Variants in KAZN observed in about 807,000 individuals in gnomAD.
KAZN encodes the protein kazrin.
KAZN carries 40 observed loss-of-function variants against 87.4 expected under a neutral mutation model. The ratio of observed to expected loss-of-function variants is 0.46; its 90% confidence interval spans 0.36 to 0.60. The LOEUF (loss-of-function observed/expected upper bound fraction) is 0.60. Among genes scored for constraint, KAZN ranks in the 20% least tolerant of loss-of-function variants. The pLI is 0.00. For synonymous variants in KAZN, 466 were observed against 458.3 expected (o/e 1.02, Z -0.22); for missense variants, 898 against 1,073.9 (o/e 0.84, Z 2.29).
At chr1:14,965,951 G>A (rs374802533) in intron 2 of KAZN, among the ~76,000 whole-genome samples, 37 of 149,790 alleles carry the variant, frequency 2.5e-4, no homozygotes, top group African/African-American at 8.6e-4. Flanking sequence ...GTTAACATAA[G>A]TACAGTTATC....
chr1:14,048,320 C>G (rs909898851), intron 1 of KAZN, among the ~76,000 whole-genome samples: 4 of 152,186 alleles, frequency 2.6e-5, no homozygotes, highest in African/African-American at 9.7e-5. Context: ...ATTCAGGCCT[C>G]CATACTTTCC....
At chr1:14,523,054 A>G (rs148153692) in intron 2 of KAZN, among the ~76,000 whole-genome samples, 2 of 152,062 alleles carry the variant, frequency 1.3e-5, no homozygotes, top group African/African-American at 4.8e-5. Flanking sequence ...TGCCATGGAG[A>G]CACTCATCGT....
intron 8 of KAZN, among the ~76,000 whole-genome samples, chr1:15,087,333 TAC>T (rs1203314903): frequency 3.6e-5 from 5 of 140,300 alleles, no homozygotes; most frequent in Non-Finnish European, 7.4e-5. Flanking sequence ...TGAAATAATT[TAC>T]ATTCTTTTTT....
rs1482109521 is a variant in KAZN, at chr1:14,871,412, A to G, written c.227-89272A>G. Among the ~76,000 whole-genome samples, 11 of 152,108 alleles carry G rather than the reference A, an allele frequency of 7.2e-5. No homozygotes were observed. In the East Asian group the frequency reaches 2.1e-3, roughly 30 times the overall value. On this transcript the variant is annotated intron_variant, in intron 1 of 14. Coordinates refer to ENST00000376030, the MANE Select transcript of KAZN (RefSeq NM_201628.3). Reference sequence around the variant, plus strand: ...TGCCCTGCAGCAAGGGAGCTGGAGGATGGGCTTCCTCTTCGAATAGGAATG... The same window carrying G: ...TGCCCTGCAGCAAGGGAGCTGGAGGGTGGGCTTCCTCTTCGAATAGGAATG...
intron 5 of KAZN, among the ~76,000 whole-genome samples, chr1:15,059,933 G>A (rs1331880911): frequency 6.6e-6 from 1 of 152,172 alleles, no homozygotes; most frequent in African/African-American, 2.4e-5. Flanking sequence ...CCTCGTTCAC[G>A]CTGGTGGAGG....
intron 13 of KAZN, among the ~76,000 whole-genome samples, chr1:15,107,567 G>A (rs1387487559): frequency 2.6e-5 from 4 of 152,166 alleles, no homozygotes; most frequent in Admixed American, 6.5e-5. Flanking sequence ...AATGAGTATG[G>A]TAATCACTAT....
At chr1:14,789,748 GCTC>G (rs1049779435) in intron 1 of KAZN, among the ~76,000 whole-genome samples, 2 of 104,518 alleles carry the variant, frequency 1.9e-5, no homozygotes, top group African/African-American at 7.8e-5. Flanking sequence ...AGGACTCTAA[GCTC>G]CTCATTACCA....
chr1:14,077,115 C>T (rs1643492746), intron 1 of KAZN, among the ~76,000 whole-genome samples: 2 of 152,096 alleles, frequency 1.3e-5, no homozygotes, highest in African/African-American at 4.8e-5. Context: ...TTGTGATTGC[C>T]AGGAAGGTTC....
intron 1 of KAZN, among the ~76,000 whole-genome samples, chr1:14,921,037 A>G (rs948932455): frequency 1.3e-5 from 2 of 152,052 alleles, no homozygotes; most frequent in Admixed American, 6.6e-5. Flanking sequence ...CAGAGTTGAG[A>G]GCAGGGAGAG....
intron 1 of KAZN, among the ~76,000 whole-genome samples, chr1:14,661,901 A>T (rs1639194982): frequency 6.6e-6 from 1 of 152,120 alleles, no homozygotes; most frequent in African/African-American, 2.4e-5. Context: ...GGGCAACAGA[A>T]CGAGACTCTG....
chr1:14,149,032 A>AGCCTGCCTGCCT (rs1168671093), intron 1 of KAZN, among the ~76,000 whole-genome samples: 2 of 149,204 alleles, frequency 1.3e-5, no homozygotes, highest in East Asian at 3.9e-4. Flanking sequence ...TTCCACATAC[A>AGCCTGCCTGCCT]GCCTGCCTGC....
intron 1 of KAZN, among the ~76,000 whole-genome samples, chr1:14,951,824 T>A (rs1662518040): frequency 6.6e-6 from 1 of 152,170 alleles, no homozygotes. Flanking sequence ...TATGATTCCT[T>A]ATTTTTAGGA....
At chr1:14,888,521 C>T (rs1337652035) in intron 1 of KAZN, among the ~76,000 whole-genome samples, 4 of 152,114 alleles carry the variant, frequency 2.6e-5, no homozygotes, top group Admixed American at 6.5e-5. Context: ...GGGGCCACTT[C>T]GACCAGATTT....
chr1:14,850,019 T>C (rs1355079199), intron 1 of KAZN, among the ~76,000 whole-genome samples: 2 of 144,978 alleles, frequency 1.4e-5, no homozygotes, highest in Non-Finnish European at 3.0e-5. Flanking sequence ...ACTTGCAACC[T>C]CCGCCTCCCA....
At chr1:14,585,380 G>A (rs1675792706) in intron 2 of KAZN, among the ~76,000 whole-genome samples, 1 of 152,180 alleles carries the variant, frequency 6.6e-6, no homozygotes, top group South Asian at 2.1e-4. Flanking sequence ...TTGTGGATCT[G>A]CACAATGGCA....
At chr1:14,322,409 A>G (rs1461931516) in intron 2 of KAZN, among the ~76,000 whole-genome samples, 1 of 152,208 alleles carries the variant, frequency 6.6e-6, no homozygotes, top group Non-Finnish European at 1.5e-5. Flanking sequence ...ATGCTTGAAT[A>G]CTAGATTTCC....
At chr1:14,625,830 G>A (rs79962703) in intron 1 of KAZN, among the ~76,000 whole-genome samples, 3,324 of 152,306 alleles carry the variant, frequency 0.022, 61 homozygotes, top group Middle Eastern at 0.061. Flanking sequence ...CCCCGGAAAC[G>A]AGAGGTTGTG....
chr1:14,370,008 G>A (rs778320544), intron 2 of KAZN, among the ~76,000 whole-genome samples: 4 of 152,150 alleles, frequency 2.6e-5, no homozygotes, highest in East Asian at 3.9e-4. Flanking sequence ...CTCCCCACAC[G>A]TGCATGAGAG....
chr1:14,877,023 CTGGTTCTGG>C (rs1221266069), intron 1 of KAZN, among the ~76,000 whole-genome samples: 1 of 152,204 alleles, frequency 6.6e-6, no homozygotes, highest in East Asian at 1.9e-4. Flanking sequence ...GCAAAAGCTA[CTGGTTCTGG>C]TGATTCAAAA....
Sources: gnomAD v4.1 joint callset for allele counts (sites outside exome capture counted in the v4.1 genomes callset) on GRCh38, gnomAD v4.1.1 for gene constraint, MANE v1.5 for transcripts, NCBI Gene and HGNC (gene_info 2026-07-23, HGNC 2026-07-21) for gene names.